Variants in COL13A1 observed in about 807,000 individuals in gnomAD.
The protein encoded by COL13A1 is collagen type XIII alpha 1 chain.
COL13A1 carries 89 observed loss-of-function variants against 130.9 expected under a neutral mutation model. That is an observed-to-expected ratio of 0.68 (90% CI 0.57 to 0.81). The LOEUF (loss-of-function observed/expected upper bound fraction) is 0.81, where lower values mean the gene tolerates loss of function less well. COL13A1 is among the 30% of genes least tolerant of loss of function. The pLI is 0.00. For missense variants in COL13A1, 879 were observed against 934.6 expected, an observed-to-expected ratio of 0.94 and a Z score of 0.78; for synonymous variants, 402 against 341.6, an observed-to-expected ratio of 1.18 and a Z score of -1.95.
At chr10:69,821,054 G>A (rs997403875) in intron 1 of COL13A1, among the ~76,000 whole-genome samples, 7 of 152,188 alleles carry the variant, frequency 4.6e-5, no homozygotes, top group African/African-American at 1.4e-4. Flanking sequence ...GAAGCAAATA[G>A]CTCTGGCTGT....
intron 1 of COL13A1, among the ~76,000 whole-genome samples, chr10:69,822,022 G>A (rs1384414709): frequency 1.3e-5 from 2 of 152,172 alleles, no homozygotes; most frequent in Non-Finnish European, 2.9e-5. Context: ...CCCAGTCCAA[G>A]GCAGAAAACA....
At chr10:69,870,863 G>T (rs571557431) in intron 3 of COL13A1, among the ~76,000 whole-genome samples, 3 of 152,148 alleles carry the variant, frequency 2.0e-5, no homozygotes, top group East Asian at 3.9e-4. Context: ...CAGAGCTTTG[G>T]CAAGGGTCGG....
intron 26 of COL13A1, chr10:69,926,091 G>A: frequency 3.6e-6 from 2 of 549,402 alleles, no homozygotes; most frequent in South Asian, 5.1e-5. Context: ...GGTGGCCGGG[G>A]CTCTCTGTCT....
intron 2 of COL13A1, among the ~76,000 whole-genome samples, chr10:69,842,028 T>C (rs1851734507): frequency 6.6e-6 from 1 of 152,204 alleles, no homozygotes. Flanking sequence ...AGACTGGTAT[T>C]ATGAAAGCTC....
At position 69,928,849 on chromosome 10, in the gene COL13A1, C is replaced by T. The variant is rs548630818; in HGVS notation, c.1423-88C>T. On this transcript the variant is annotated intron_variant, in intron 27 of 40. Transcript: ENST00000645393. Reference sequence around the variant, plus strand: ...AAGGTCTGTAAACAACTTATCTGTACAAGCCAGCCTCCACATATAGCCCTC... The same window carrying T: ...AAGGTCTGTAAACAACTTATCTGTATAAGCCAGCCTCCACATATAGCCCTC... 9 of 950,758 alleles carry T rather than the reference C, an allele frequency of 9.5e-6. No homozygotes were observed. The African/African-American group carries it at 1.1e-4, about 12-fold the overall frequency. The allele number at this position is 950,758 out of a possible 1,614,324, so 58.9% of individuals were successfully genotyped here.
At chr10:69,957,117 C>A in intron 40 of COL13A1, 75 bp downstream of exon 40, 1 of 1,333,926 alleles carries the variant, frequency 7.5e-7, no homozygotes, top group Non-Finnish European at 1.1e-6. Flanking sequence ...TTCCATTCTG[C>A]CTTGCTACAG....
intron 29 of COL13A1, 129 bp downstream of exon 29, chr10:69,930,216 G>C (rs990371553): frequency 4.6e-6 from 5 of 1,088,032 alleles, no homozygotes; most frequent in African/African-American, 1.6e-5. Context: ...GAGATGGGGG[G>C]GGGCAGGGAG....
chr10:69,913,963 C>G (rs1473419383), intron 17 of COL13A1, among the ~76,000 whole-genome samples: 1 of 152,142 alleles, frequency 6.6e-6, no homozygotes, highest in Non-Finnish European at 1.5e-5. Flanking sequence ...GGGCGAAGGT[C>G]AGCCACCCTA....
chr10:69,838,730 T>C (rs1201389722), intron 2 of COL13A1, among the ~76,000 whole-genome samples: 3 of 152,260 alleles, frequency 2.0e-5, no homozygotes, highest in Non-Finnish European at 2.9e-5. Flanking sequence ...CCCTGCTGTA[T>C]ACAGAGCGCC....
chr10:69,951,994 T>C (rs781604573), intron 38 of COL13A1, among the ~76,000 whole-genome samples: 26 of 152,244 alleles, frequency 1.7e-4, no homozygotes, highest in Non-Finnish European at 2.9e-4. Flanking sequence ...TTAAAAAGAA[T>C]TCCCCACAGC....
At chr10:69,936,810 G>C in intron 33 of COL13A1, 28 bp downstream of exon 33, 1 of 1,613,764 alleles carries the variant, frequency 6.2e-7, no homozygotes, top group Non-Finnish European at 8.5e-7. Context: ...GACAGGCGCT[G>C]TGTCAGTGCT....
intron 2 of COL13A1, among the ~76,000 whole-genome samples, chr10:69,823,843 C>G (rs555556700): frequency 6.6e-6 from 1 of 152,250 alleles, no homozygotes; most frequent in African/African-American, 2.4e-5. Flanking sequence ...TCTGGGAAAG[C>G]TTTCAGGAGA....
At chr10:69,831,473 T>G (rs1221652049) in intron 2 of COL13A1, among the ~76,000 whole-genome samples, 1 of 152,166 alleles carries the variant, frequency 6.6e-6, no homozygotes, top group Non-Finnish European at 1.5e-5. Flanking sequence ...TAACTCACCA[T>G]GGGGTGGCTA....
chr10:69,945,889 G>A (rs550816274), intron 37 of COL13A1, among the ~76,000 whole-genome samples, 165 bp downstream of exon 37: 120 of 152,148 alleles, frequency 7.9e-4, no homozygotes, highest in Middle Eastern at 3.4e-3. Flanking sequence ...TGGCCAACAC[G>A]GTGAAACCCC....
At chr10:69,951,076 T>A (rs1212836220) in intron 38 of COL13A1, among the ~76,000 whole-genome samples, 48 of 152,132 alleles carry the variant, frequency 3.2e-4, no homozygotes. Flanking sequence ...CTCGAACTCC[T>A]GACCTCCAGT....
intron 2 of COL13A1, among the ~76,000 whole-genome samples, chr10:69,845,450 G>C (rs1286837732): frequency 6.6e-6 from 1 of 151,948 alleles, no homozygotes; most frequent in Non-Finnish European, 1.5e-5. Context: ...ACCTCAGCCT[G>C]CCAAAGTGCT....
intron 1 of COL13A1, among the ~76,000 whole-genome samples, chr10:69,811,205 GCCCACCACC>G (rs752412559): frequency 2.0e-5 from 3 of 152,086 alleles, no homozygotes; most frequent in African/African-American, 4.8e-5. Context: ...CCTTCCTCCT[GCCCACCACC>G]CCCTCCCTTC....
At chr10:69,810,102 C>G (rs568863884) in intron 1 of COL13A1, among the ~76,000 whole-genome samples, 51 of 152,278 alleles carry the variant, frequency 3.3e-4, no homozygotes, top group African/African-American at 1.2e-3. Flanking sequence ...GGTAAAAGAT[C>G]TGAAGTAACT....
intron 12 of COL13A1, 102 bp from the exon 13 acceptor site, chr10:69,895,448 C>A (rs757751583): frequency 4.0e-6 from 5 of 1,240,498 alleles, no homozygotes; most frequent in Non-Finnish European, 5.9e-6. Flanking sequence ...GGCTGGTGAG[C>A]GGTGACATGT....
Sources: gnomAD v4.1 joint callset for allele counts (sites outside exome capture counted in the v4.1 genomes callset) on GRCh38, gnomAD v4.1.1 for gene constraint, MANE v1.5 for transcripts, NCBI Gene and HGNC (gene_info 2026-07-23, HGNC 2026-07-21) for gene names.